The following AP3D1 variants were observed in gnomAD, a reference collection of about 807,000 sequenced individuals.
AP3D1 encodes adaptor related protein complex 3 subunit delta 1, also known as AP-3 complex subunit delta-1.
In AP3D1, 51 loss-of-function variants were observed where a neutral mutation model predicts 147.6. That is an observed-to-expected ratio of 0.35 (90% confidence interval 0.28 to 0.44). The LOEUF is 0.44. Ranked by LOEUF, AP3D1 falls within the 20% of genes least tolerant of loss-of-function variation. AP3D1 has a pLI of 1.00. For missense variants in AP3D1, 1,421 were observed against 1,624.2 expected (o/e 0.87, Z 2.15); for synonymous variants, 760 against 663.0 (o/e 1.15, Z -2.25).
intron 27 of AP3D1, 152 bp downstream of exon 27, chr19:2,110,555 G>A (rs770513402): frequency 1.7e-4 from 146 of 851,282 alleles, no homozygotes; most frequent in Non-Finnish European, 2.3e-4. Flanking sequence ...GAGCTGTGGC[G>A]AGACCCCGAC....
intron 28 of AP3D1, 77 bp from the exon 29 acceptor site, chr19:2,110,035 G>C (rs2018224346): frequency 6.3e-7 from 1 of 1,585,816 alleles, no homozygotes; most frequent in African/African-American, 1.3e-5. Flanking sequence ...CAGGCAGGTG[G>C]CCCACTTCCC....
At chr19:2,158,201 A>G (rs1459082404) in intron 1 of AP3D1, among the ~76,000 whole-genome samples, 3 of 151,770 alleles carry the variant, frequency 2.0e-5, no homozygotes, top group East Asian at 1.9e-4. Context: ...GACTACAGGC[A>G]CCCGCCACCA....
At chr19:2,114,027 G>C (rs1264223770) in intron 22 of AP3D1, 98 bp downstream of exon 22, 3 of 1,467,898 alleles carry the variant, frequency 2.0e-6, no homozygotes, top group Non-Finnish European at 2.7e-6. Context: ...GCCTGACTCA[G>C]ACTCACAGCC....
At chr19:2,131,068 C>T (rs2018925555) in intron 5 of AP3D1, among the ~76,000 whole-genome samples, 1 of 152,256 alleles carries the variant, frequency 6.6e-6, no homozygotes, top group South Asian at 2.1e-4. Flanking sequence ...GTGTTTTCAG[C>T]TTCATGGGCC....
chr19:2,111,671 C>CCCCTCACCGCAGCG lies in AP3D1; in HGVS notation c.2937+7_2937+8insCGCTGCGGTGAGGG. The CCCCTCACCGCAGCG allele has an allele frequency of 6.3e-7, 1 of 1,581,698 alleles. No individual in the cohort carries two copies. Among genetic ancestry groups the CCCCTCACCGCAGCG allele is most frequent in the Non-Finnish European group, 8.6e-7 (1 of 1,167,414 alleles). ...GGCGTGGGGCGGGGGCGCTGAAGTA[C>CCCCTCACCGCAGCG]CCCTCACCGGGAGCTGCTCCTCCTC... On this transcript the variant is annotated splice_region_variant and intron_variant, in intron 25 of 31. Transcript: ENST00000643116.
Position 2,121,892 on chromosome 19 carries a change from G to A in AP3D1, c.956-13C>T, listed in dbSNP as rs2018622729. 7.5e-6 allele frequency: 12 copies of A among 1,594,158 alleles called. No individual in the cohort carries two copies. Among genetic ancestry groups the A allele is most frequent in the Non-Finnish European group, 9.4e-6 (11 of 1,172,586 alleles). ...CCCAGGTACTTCACTGCAGAGAGAG[G>A]CCAGAGCCGGGTCACTGGGACGGAC... On this transcript the variant is annotated splice_polypyrimidine_tract_variant and intron_variant, in intron 11 of 31. Transcript: ENST00000643116.
rs547807911 is a variant in AP3D1, at chr19:2,151,393, C to G, written c.-59G>C. ...CCGCGGCTGGGCGCCGTGAGGGGGC[C>G]CGGGGCCCGTGCCTGCCGCCCGCGG... On this transcript the variant is annotated 5_prime_UTR_variant, in exon 1 of 32. Transcript: ENST00000643116. The G allele has an allele frequency of 4.0e-5, 49 of 1,217,688 alleles. No homozygotes were observed. The African/African-American group carries it at 7.6e-4, about 19-fold the overall frequency. 75.4% of individuals were successfully genotyped at this position (1,217,688 alleles called of 1,614,324 possible).
At chr19:2,154,092 T>G (rs112565775), upstream of AP3D1, among the ~76,000 whole-genome samples, 22 of 151,582 alleles carry the variant, frequency 1.5e-4, no homozygotes, top group African/African-American at 5.3e-4. Context: ...GGATTACAGC[T>G]GCCCACCACC....
chr19:2,135,480 G>A (rs2019052184), intron 4 of AP3D1, among the ~76,000 whole-genome samples: 1 of 152,180 alleles, frequency 6.6e-6, no homozygotes, highest in African/African-American at 2.4e-5. Context: ...AGGTTGCGGT[G>A]AGCCGACATC....
At chr19:2,105,824 G>T (rs1168639448) in intron 31 of AP3D1, among the ~76,000 whole-genome samples, 2 of 152,126 alleles carry the variant, frequency 1.3e-5, no homozygotes, top group African/African-American at 2.4e-5. Flanking sequence ...AGCCGGGCGC[G>T]GGGGCTCGTG....
intron 27 of AP3D1, 95 bp from the exon 28 acceptor site, chr19:2,110,319 G>T: frequency 9.4e-7 from 1 of 1,063,584 alleles, no homozygotes; most frequent in Non-Finnish European, 1.4e-6. Context: ...GTCCTCTGTG[G>T]CTGATTAGGA....
At chr19:2,125,303 G>T (rs578043445) in intron 9 of AP3D1, among the ~76,000 whole-genome samples, 1 of 152,158 alleles carries the variant, frequency 6.6e-6, no homozygotes, top group South Asian at 2.1e-4. Flanking sequence ...TAGGAGTGTT[G>T]TTTTTTTGTT....
intron 15 of AP3D1, among the ~76,000 whole-genome samples, chr19:2,117,755 A>G (rs2145052755): frequency 6.6e-6 from 1 of 152,372 alleles, no homozygotes; most frequent in Non-Finnish European, 1.5e-5. Flanking sequence ...GCCAAGGATC[A>G]TGGCCAGCCC....
rs377678474 is a variant in AP3D1, at chr19:2,114,877, C to T, written c.2350-56G>A. 99 of 1,581,944 alleles carry T rather than the reference C, an allele frequency of 6.3e-5. No individual in the cohort carries two copies. In the African/African-American group the frequency reaches 8.9e-4, roughly 14 times the overall value. On this transcript the variant is annotated intron_variant, in intron 20 of 31. Coordinates refer to ENST00000643116, the MANE Select transcript of AP3D1 (RefSeq NM_001261826.3). ...AACCCGCCCTTGTGGCCTGGTGGAA[C>T]GCCATCTATCTGGGACGCAGTGGGA...
Position 2,121,795 on chromosome 19 carries a change from T to C in AP3D1, c.1040A>G (p.Gln347Arg). Residue 347 changes from glutamine (Q) to arginine (R), a missense_variant, in exon 12 of 32, where the codon CAG becomes CGG. Gln to Arg is a conservative substitution (Grantham distance 43). Transcript: ENST00000643116. ...GGACTCGTCCTTGTCGTCCAGGCAC[T>C]GCAGGATGAGGTCCTTGTGGGACTG... is the stretch of plus-strand genomic sequence containing the variant. ...SVQSHKDLIL[Q>R]CLDDKDESIR... is the part of the protein sequence containing the mutation. 1 of 1,613,388 alleles carries C rather than the reference T, an allele frequency of 6.2e-7. No individual in the cohort carries two copies. Among genetic ancestry groups the C allele is most frequent in the Non-Finnish European group, 8.5e-7 (1 of 1,179,754 alleles).
intron 9 of AP3D1, 107 bp downstream of exon 9, chr19:2,127,045 G>T: frequency 8.1e-7 from 1 of 1,227,410 alleles, no homozygotes; most frequent in Non-Finnish European, 1.2e-6. Context: ...CTCAGTTCCA[G>T]CAGGGGTGGC....
At position 2,129,138 on chromosome 19, in the gene AP3D1, G is replaced by A. The variant is rs759717229; in HGVS notation, c.758C>T (p.Pro253Leu). The change falls in exon 8 of 32, where the codon CCG becomes CTG. Residue 253 changes from proline (P) to leucine (L), a missense_variant. Pro to Leu is a moderately conservative substitution (Grantham distance 98). This residue lies in a region of AP3D1 where 292 missense variants were observed against 412.0 expected (regional missense o/e 0.71). Transcript: ENST00000643116. ...KLFGALTPLE[P>L]RLGKKLIEPL... ...CTCGATCAGCTTCTTGCCCAGCCGC[G>A]GTTCCAAAGGAGTAAGAGCACCGAA... is the stretch of plus-strand genomic sequence containing the variant. The A allele has an allele frequency of 3.4e-5, 54 of 1,600,402 alleles. No homozygotes were observed. The highest frequency in any genetic ancestry group is 4.1e-5 in the Non-Finnish European group (48 of 1,174,504).
At chr19:2,117,389 C>T (rs758923522) in intron 15 of AP3D1, 22 bp from the exon 16 acceptor site, 1 of 1,555,462 alleles carries the variant, frequency 6.4e-7, no homozygotes, top group South Asian at 1.2e-5. Context: ...ACAGGGGTCA[C>T]TGCTGGCACC....
intron 6 of AP3D1, 68 bp downstream of exon 6, chr19:2,130,340 C>T: frequency 6.2e-7 from 1 of 1,603,592 alleles, no homozygotes; most frequent in Non-Finnish European, 8.5e-7. Context: ...AAACACGCCA[C>T]CACCTCTTCC....
Sources: gnomAD v4.1 joint callset for allele counts (sites outside exome capture counted in the v4.1 genomes callset) on GRCh38, gnomAD v4.1.1 for gene constraint, gnomAD v4.1.1 regional missense constraint, MANE v1.5 for transcripts, NCBI Gene and HGNC (gene_info 2026-07-23, HGNC 2026-07-21) for gene names.